The following DPYSL5 variants were observed in gnomAD, a reference collection of about 807,000 sequenced individuals.
The protein encoded by DPYSL5 is dihydropyrimidinase-related protein 5.
A neutral mutation model predicts 58.4 loss-of-function variants in DPYSL5; 9 were observed. The observed-to-expected ratio is 0.15, with a 90% CI of 0.09 to 0.27. The LOEUF (loss-of-function observed/expected upper bound fraction) is 0.27. DPYSL5 is among the 10% of genes least tolerant of loss of function. The pLI is 1.00. For missense variants in DPYSL5, 499 were observed against 770.6 expected, an observed-to-expected ratio of 0.65 and a Z score of 4.17; for synonymous variants, 293 against 301.9, an observed-to-expected ratio of 0.97 and a Z score of 0.31.
rs1665562482 is a variant in DPYSL5, at chr2:26,948,947, AG to A, written c.*1953del. ...CACTTCCGTATATGACCTCTCACTT[AG>A]TCCTCATGACAATGGAGCACTTATT... is the stretch of plus-strand genomic sequence containing the variant. On this transcript the variant is annotated 3_prime_UTR_variant, in exon 13 of 13. Coordinates refer to ENST00000288699, the MANE Select transcript of DPYSL5 (RefSeq NM_020134.4). The A allele has an allele frequency of 6.6e-6, 1 of 152,244 alleles. No individual in the cohort carries two copies. Among genetic ancestry groups the A allele is most frequent in the Non-Finnish European group, 1.5e-5 (1 of 68,050 alleles). 9.4% of individuals were successfully genotyped at this position (152,244 alleles called of 1,614,324 possible).
chr2:26,924,845 C>T lies in DPYSL5; in HGVS notation c.262-42C>T. 1 of 1,595,240 alleles carries T rather than the reference C, an allele frequency of 6.3e-7. No individual in the cohort carries two copies. The highest frequency in any genetic ancestry group is 8.5e-7 in the Non-Finnish European group (1 of 1,170,198). Reference sequence around the variant, plus strand: ...TCTCACCACATCATTGACTCGGGGGCAGGCAGGGCTGTGACGAGACTGCCT... The same window carrying T: ...TCTCACCACATCATTGACTCGGGGGTAGGCAGGGCTGTGACGAGACTGCCT... On this transcript the variant is annotated intron_variant, in intron 2 of 12. Transcript: ENST00000288699. This position sits in a 1 kb window ranked among gnomAD's most constrained non-coding sequence, Gnocchi z 4.7.
At chr2:26,931,169 A>ATATG (rs1353719385) in intron 5 of DPYSL5, among the ~76,000 whole-genome samples, 30 of 45,704 alleles carry the variant, frequency 6.6e-4, no homozygotes, top group African/African-American at 2.1e-3. Context: ...ATATATATAT[A>ATATG]TGTGTGTGTG....
chr2:26,921,675 T>G (rs1664708457), intron 2 of DPYSL5, among the ~76,000 whole-genome samples: 1 of 152,202 alleles, frequency 6.6e-6, no homozygotes, highest in Non-Finnish European at 1.5e-5. Context: ...TGAACATCAG[T>G]GTGTGGTGTG....
At chr2:26,931,169 A>ATGTG (rs1324624030) in intron 5 of DPYSL5, among the ~76,000 whole-genome samples, 1,751 of 45,530 alleles carry the variant, frequency 0.038, 114 homozygotes, top group Admixed American at 0.15. Flanking sequence ...ATATATATAT[A>ATGTG]TGTGTGTGTG....
intron 1 of DPYSL5, among the ~76,000 whole-genome samples, chr2:26,874,908 T>C (rs1042195472): frequency 7.2e-5 from 11 of 152,256 alleles, no homozygotes; most frequent in African/African-American, 2.7e-4. Context: ...GTTGAATCTG[T>C]AGATCAGATT....
chr2:26,859,676 C>T (rs768119460), intron 1 of DPYSL5, among the ~76,000 whole-genome samples: 5 of 152,070 alleles, frequency 3.3e-5, no homozygotes, highest in Non-Finnish European at 7.4e-5. Flanking sequence ...TGGCAGATAG[C>T]ACCTGATGTT....
chr2:26,936,293 C>T (rs1272825724), intron 8 of DPYSL5, among the ~76,000 whole-genome samples: 2 of 152,176 alleles, frequency 1.3e-5, no homozygotes, highest in Non-Finnish European at 2.9e-5. Context: ...ACTGGCCCCA[C>T]CGAAGATGGC....
At position 26,905,885 on chromosome 2, in the gene DPYSL5, C is replaced by T. The variant is rs541294312; in HGVS notation, c.261+7125C>T. On this transcript the variant is annotated intron_variant, in intron 2 of 12. Transcript: ENST00000288699. This position sits in a 1 kb window ranked among gnomAD's most constrained non-coding sequence, Gnocchi z 4.0. ...TCTGGGCACAGCATGACTAGGTCTT[C>T]GGCTCAGAGCCTCGCAAGCCGCCAT... Among the ~76,000 whole-genome samples, 2 of 152,292 alleles carry T rather than the reference C, an allele frequency of 1.3e-5. No homozygotes were observed. Among genetic ancestry groups the T allele is most frequent in the South Asian group, 2.1e-4 (1 of 4,822 alleles).
intron 2 of DPYSL5, among the ~76,000 whole-genome samples, chr2:26,911,676 T>C (rs1664444888): frequency 6.6e-6 from 1 of 152,106 alleles, no homozygotes; most frequent in African/African-American, 2.4e-5. Context: ...AAGGACTAGA[T>C]TGGGATTAAA....
intron 2 of DPYSL5, among the ~76,000 whole-genome samples, chr2:26,902,644 C>T (rs1414121620): frequency 6.6e-6 from 1 of 152,152 alleles, no homozygotes; most frequent in African/African-American, 2.4e-5. Flanking sequence ...TGAACCAGAG[C>T]AGCTCCATCT....
intron 8 of DPYSL5, chr2:26,939,010 C>T (rs1665252017): frequency 6.6e-6 from 1 of 152,434 alleles, no homozygotes; most frequent in African/African-American, 2.4e-5. Context: ...CTGCCTGCCT[C>T]CCTCATTGGG....
chr2:26,908,989 C>T (rs1376907667), intron 2 of DPYSL5, among the ~76,000 whole-genome samples: 1 of 152,020 alleles, frequency 6.6e-6, no homozygotes, highest in Non-Finnish European at 1.5e-5. Context: ...TATCTGTTCT[C>T]CCAAACCTCA....
chr2:26,932,171 G>GA (rs1462231858), intron 6 of DPYSL5, among the ~76,000 whole-genome samples: 16 of 68,672 alleles, frequency 2.3e-4, no homozygotes, highest in African/African-American at 8.4e-4. Context: ...AAGAAAGAAA[G>GA]AAAGAAAGAA....
chr2:26,867,769 T>C (rs1663137222), intron 1 of DPYSL5, among the ~76,000 whole-genome samples: 1 of 152,234 alleles, frequency 6.6e-6, no homozygotes, highest in Admixed American at 6.5e-5. Flanking sequence ...ATTGTTTGTT[T>C]TTGCCCTGCC....
At chr2:26,886,841 G>A (rs1294558283) in intron 1 of DPYSL5, among the ~76,000 whole-genome samples, 1 of 152,166 alleles carries the variant, frequency 6.6e-6, no homozygotes, top group East Asian at 1.9e-4. Context: ...CTCCCATTGA[G>A]AAGGCTGCAA....
At chr2:26,917,704 A>G (rs1044650960) in intron 2 of DPYSL5, among the ~76,000 whole-genome samples, 4 of 152,184 alleles carry the variant, frequency 2.6e-5, no homozygotes, top group Admixed American at 2.0e-4. Context: ...TGATCCCCCT[A>G]CATCAGGCCA....
chr2:26,911,001 G>T (rs753128571), intron 2 of DPYSL5, among the ~76,000 whole-genome samples: 1 of 145,508 alleles, frequency 6.9e-6, no homozygotes, highest in Non-Finnish European at 1.5e-5. Context: ...TTAGAAGTTT[G>T]TAATTTTAGC....
intron 5 of DPYSL5, among the ~76,000 whole-genome samples, chr2:26,931,125 T>G: frequency 3.5e-5 from 4 of 115,440 alleles, no homozygotes; most frequent in Non-Finnish European, 5.2e-5. Context: ...GGAGACAGAG[T>G]GAGACCCTAT....
chr2:26,855,039 A>G (rs1412653149), intron 1 of DPYSL5, among the ~76,000 whole-genome samples: 2 of 149,568 alleles, frequency 1.3e-5, no homozygotes, highest in Admixed American at 1.3e-4. Context: ...GCTGGTCTGG[A>G]ACTCTTGGCC....
Sources: allele counts gnomAD v4.1 joint callset (sites outside exome capture counted in the v4.1 genomes callset), GRCh38; gene constraint gnomAD v4.1.1; non-coding constraint Gnocchi (gnomAD v3.1); transcripts MANE v1.5; gene names NCBI Gene and HGNC (gene_info 2026-07-23, HGNC 2026-07-21).